Variants in CTNND2 observed in about 807,000 individuals in gnomAD.
CTNND2 encodes the protein catenin delta 2.
Under a neutral mutation model 144.4 loss-of-function variants are expected in CTNND2, and 22 were observed. The observed-to-expected ratio is 0.15, with a 90% CI of 0.11 to 0.22. The LOEUF is 0.22. CTNND2 is among the 10% of genes least tolerant of loss of function. The probability of loss-of-function intolerance (pLI) is 1.00; values close to 1 mark genes in which losing one functional copy is unlikely to be tolerated. For missense variants in CTNND2, 1,353 were observed against 1,618.8 expected, an observed-to-expected ratio of 0.84 and a Z score of 2.82; for synonymous variants, 751 against 695.6, an observed-to-expected ratio of 1.08 and a Z score of -1.25.
At chr5:11,464,809 G>C (rs1364860577) in intron 3 of CTNND2, among the ~76,000 whole-genome samples, 1 of 152,188 alleles carries the variant, frequency 6.6e-6, no homozygotes, top group African/African-American at 2.4e-5. Context: ...GAGATAAAAG[G>C]AGTTAAGCTT....
At chr5:11,066,494 C>G (rs1215264624) in intron 16 of CTNND2, among the ~76,000 whole-genome samples, 1 of 151,436 alleles carries the variant, frequency 6.6e-6, no homozygotes, top group South Asian at 2.1e-4. Flanking sequence ...CCCCAACCAC[C>G]CCCTGCACTT....
chr5:10,973,529 T>TAGA lies in CTNND2; in HGVS notation c.3599_3601dup (p.Phe1200dup). ...TTCACTGTAGGGACGGGCAGCTGAG[T>TAGA]AGAAGTCAACGTAGTTGCCGGTGGA... On this transcript the variant is annotated inframe_insertion, in exon 22 of 22. Transcript: ENST00000304623. This position sits in a 1 kb window ranked among gnomAD's most constrained non-coding sequence, Gnocchi z 5.6. 6.2e-7 allele frequency: 1 copy of TAGA among 1,613,724 alleles called. No homozygotes were observed. The highest frequency in any genetic ancestry group is 8.5e-7 in the Non-Finnish European group (1 of 1,179,850).
At chr5:11,543,332 T>C (rs1774928205) in intron 3 of CTNND2, among the ~76,000 whole-genome samples, 1 of 152,150 alleles carries the variant, frequency 6.6e-6, no homozygotes, top group Non-Finnish European at 1.5e-5. Flanking sequence ...CATTCCTTCA[T>C]GTAAGGGAGA....
intron 14 of CTNND2, among the ~76,000 whole-genome samples, chr5:11,100,868 T>C (rs116831652): frequency 0.012 from 1,849 of 152,326 alleles, 38 homozygotes; most frequent in African/African-American, 0.043. Flanking sequence ...GTAGCCATGT[T>C]ATCTTTTGCT....
intron 1 of CTNND2, among the ~76,000 whole-genome samples, chr5:11,765,487 C>A (rs899079807): frequency 6.6e-6 from 1 of 152,210 alleles, no homozygotes; most frequent in Non-Finnish European, 1.5e-5. Flanking sequence ...CCAGGCCAGA[C>A]AAGGTCTGTG....
intron 10 of CTNND2, among the ~76,000 whole-genome samples, chr5:11,215,265 T>A (rs1739056347): frequency 6.6e-6 from 1 of 152,236 alleles, no homozygotes; most frequent in African/African-American, 2.4e-5. Context: ...TATACAATCA[T>A]GAATATCATG....
intron 18 of CTNND2, among the ~76,000 whole-genome samples, chr5:11,011,396 T>C (rs1741065403): frequency 6.6e-6 from 1 of 152,022 alleles, no homozygotes; most frequent in African/African-American, 2.4e-5. Flanking sequence ...TTTGTATTTT[T>C]AGTAGAGATG....
At chr5:11,566,048 G>T (rs1777066472) in intron 2 of CTNND2, among the ~76,000 whole-genome samples, 1 of 152,096 alleles carries the variant, frequency 6.6e-6, no homozygotes, top group Non-Finnish European at 1.5e-5. Context: ...AGGTTGCAGG[G>T]ATATATCTTT....
intron 1 of CTNND2, among the ~76,000 whole-genome samples, chr5:11,749,036 C>G (rs185092322): frequency 6.6e-6 from 1 of 151,940 alleles, no homozygotes; most frequent in Non-Finnish European, 1.5e-5. Flanking sequence ...AGAAAGAGGT[C>G]CACGTAAGGA....
At chr5:11,370,098 AT>A (rs937098852) in intron 7 of CTNND2, among the ~76,000 whole-genome samples, 11 of 151,994 alleles carry the variant, frequency 7.2e-5, no homozygotes, top group Non-Finnish European at 1.5e-4. Flanking sequence ...TATTAGAAGG[AT>A]TTGCAGCATT....
At chr5:11,207,748 T>A (rs1738201961) in intron 10 of CTNND2, among the ~76,000 whole-genome samples, 1 of 152,244 alleles carries the variant, frequency 6.6e-6, no homozygotes, top group Non-Finnish European at 1.5e-5. Flanking sequence ...CTGAGCAGAC[T>A]ATTTGAACTT....
chr5:11,364,562 G>C (rs994409223), intron 8 of CTNND2, 134 bp downstream of exon 8: 1 of 611,874 alleles, frequency 1.6e-6, no homozygotes, highest in East Asian at 3.3e-5. Context: ...TACAGACATT[G>C]ATAGAAGCAG....
At chr5:11,243,761 C>A (rs1035630736) in intron 9 of CTNND2, among the ~76,000 whole-genome samples, 4 of 152,230 alleles carry the variant, frequency 2.6e-5, no homozygotes, top group African/African-American at 9.6e-5. Flanking sequence ...CAGTTCATGA[C>A]TGTTCTGCTG....
At chr5:11,628,598 T>C (rs1781269785) in intron 2 of CTNND2, among the ~76,000 whole-genome samples, 1 of 152,210 alleles carries the variant, frequency 6.6e-6, no homozygotes, top group African/African-American at 2.4e-5. Context: ...CATGATCTAC[T>C]GATTCCCAAA....
chr5:11,228,566 G>T (rs1225643975), intron 10 of CTNND2, among the ~76,000 whole-genome samples: 2 of 150,624 alleles, frequency 1.3e-5, no homozygotes, highest in East Asian at 4.0e-4. Context: ...ACTTACTACA[G>T]CCTCGTCCTC....
intron 9 of CTNND2, among the ~76,000 whole-genome samples, chr5:11,267,023 C>T (rs541959414): frequency 1.6e-3 from 247 of 152,242 alleles, no homozygotes; most frequent in African/African-American, 5.0e-3. Flanking sequence ...GGACTACAGG[C>T]GCCCGCCACC....
rs1449427391 is a variant in CTNND2 at position 10,988,873 on chromosome 5, G to C, written c.3212-631C>G. On this transcript the variant is annotated intron_variant, in intron 19 of 21. Coordinates refer to ENST00000304623, the MANE Select transcript of CTNND2 (RefSeq NM_001332.4). This position sits in a 1 kb window ranked among gnomAD's most constrained non-coding sequence, Gnocchi z 5.9. ...ATGGAGGCAGCTCTAGTTCCTGCTA[G>C]GGCATTCTTGCTCCAGCTTTTTGCA... Among the ~76,000 whole-genome samples, 1 of 152,132 alleles carries C rather than the reference G, an allele frequency of 6.6e-6. No individual in the cohort carries two copies. Among genetic ancestry groups the C allele is most frequent in the Non-Finnish European group, 1.5e-5 (1 of 68,014 alleles).
chr5:11,268,445 C>T (rs896717046), intron 9 of CTNND2, among the ~76,000 whole-genome samples: 12 of 151,936 alleles, frequency 7.9e-5, no homozygotes, highest in African/African-American at 2.9e-4. Flanking sequence ...ATTAGCTGGG[C>T]GTGGTGGCAT....
At chr5:11,460,394 T>A (rs1014689098) in intron 3 of CTNND2, among the ~76,000 whole-genome samples, 1 of 152,234 alleles carries the variant, frequency 6.6e-6, no homozygotes, top group Non-Finnish European at 1.5e-5. Context: ...CCAGCCAATT[T>A]CCAAATTTGA....
Sources: gnomAD v4.1 joint callset for allele counts (sites outside exome capture counted in the v4.1 genomes callset) on GRCh38, gnomAD v4.1.1 for gene constraint, Gnocchi (gnomAD v3.1) non-coding constraint, MANE v1.5 for transcripts, NCBI Gene and HGNC (gene_info 2026-07-23, HGNC 2026-07-21) for gene names.